Variants in DET1 observed in about 807,000 individuals in gnomAD.
DET1 encodes DET1 partner of COP1 E3 ubiquitin ligase, also known as DET1 homolog.
Under a neutral mutation model 43.7 loss-of-function variants are expected in DET1, and 22 were observed. The observed-to-expected ratio is 0.50, with a 90% CI of 0.36 to 0.72. The LOEUF (loss-of-function observed/expected upper bound fraction) is 0.72, where lower values mean the gene tolerates loss of function less well. Ranked by LOEUF, DET1 falls within the 30% of genes least tolerant of loss-of-function variation. DET1 has a pLI of 0.00. For missense variants in DET1, 713 were observed against 713.3 expected, an observed-to-expected ratio of 1.00 and a Z score of 0.00; for synonymous variants, 315 against 266.2, an observed-to-expected ratio of 1.18 and a Z score of -1.79.
At chr15:88,530,490 G>A (rs1207075439) in intron 2 of DET1, 133 bp downstream of exon 2, 6 of 1,425,636 alleles carry the variant, frequency 4.2e-6, no homozygotes, top group Non-Finnish European at 5.5e-6. Flanking sequence ...CTGATTTTAA[G>A]TTTGGGCCCT....
downstream of DET1, among the ~76,000 whole-genome samples, chr15:88,510,770 T>G (rs528689863): frequency 3.4e-5 from 5 of 146,046 alleles, no homozygotes; most frequent in Middle Eastern, 3.5e-3. Flanking sequence ...TTTTTTTTTT[T>G]GTTTTTTTTT....
chr15:88,528,433 G>A lies in DET1; in HGVS notation c.1084-647C>T, dbSNP rs547265827. Among the ~76,000 whole-genome samples, 6 of 152,296 alleles carry A rather than the reference G, an allele frequency of 3.9e-5. No homozygotes were observed. In the South Asian group the frequency reaches 1.2e-3, roughly 32 times the overall value. ...TGAACAAATGAAAAATCAGATAGGC[G>A]TTTTCCACTTTTTTCCTCATAAATG... On this transcript the variant is annotated intron_variant, in intron 2 of 4. Coordinates refer to ENST00000268148, the MANE Select transcript of DET1 (RefSeq NM_001144074.3).
intron 3 of DET1, among the ~76,000 whole-genome samples, chr15:88,524,500 C>T (rs1420950065): frequency 2.6e-5 from 4 of 152,142 alleles, no homozygotes; most frequent in Admixed American, 2.0e-4. Context: ...ATGACGATGG[C>T]GGTTTTGTCG....
intron 4 of DET1, among the ~76,000 whole-genome samples, chr15:88,514,428 C>T (rs980534556): frequency 6.6e-6 from 1 of 152,158 alleles, no homozygotes; most frequent in African/African-American, 2.4e-5. Context: ...ACTCAATAAT[C>T]TCATATCCAA....
intron 1 of DET1, among the ~76,000 whole-genome samples, chr15:88,536,748 G>T (rs1165840358): frequency 1.5e-5 from 2 of 131,218 alleles, no homozygotes; most frequent in Non-Finnish European, 1.5e-5. Flanking sequence ...TCCAGCCTGG[G>T]CAACAGAGCA....
Position 88,512,505 on chromosome 15 carries a change from T to C in DET1, c.*446A>G. 4 of 987,472 alleles carry C rather than the reference T, an allele frequency of 4.1e-6. No homozygotes were observed. Among genetic ancestry groups the C allele is most frequent in the Non-Finnish European group, 4.8e-6 (4 of 831,084 alleles). 61.2% of individuals were successfully genotyped at this position (987,472 alleles called of 1,614,324 possible). On this transcript the variant is annotated 3_prime_UTR_variant, in exon 5 of 5. Transcript: ENST00000268148. Reference sequence around the variant, plus strand: ...TTTAAGTATGAAAATACCATGGCTTTATTTTTCTCTTAAAAAGATAGCCGT... The same window carrying C: ...TTTAAGTATGAAAATACCATGGCTTCATTTTTCTCTTAAAAAGATAGCCGT...
chr15:88,526,184 A>G (rs922718937), intron 3 of DET1, among the ~76,000 whole-genome samples: 5 of 152,246 alleles, frequency 3.3e-5, no homozygotes, highest in Non-Finnish European at 5.9e-5. Context: ...TCTGTAATTG[A>G]GTACTATCTT....
intron 8 of DET1, chr15:88,502,758 G>T (rs1435432032): frequency 2.0e-5 from 3 of 152,204 alleles, no homozygotes; most frequent in Non-Finnish European, 4.4e-5. Flanking sequence ...CTGGTTTCCT[G>T]GTTCCCTTAC....
chr15:88,537,898 G>A (rs564063894), intron 1 of DET1, among the ~76,000 whole-genome samples: 21 of 152,250 alleles, frequency 1.4e-4, no homozygotes, highest in South Asian at 1.0e-3. Flanking sequence ...CAGGACTCCC[G>A]TTATTATTAC....
At chr15:88,506,953 A>G (rs1334774365) in intron 7 of DET1, among the ~76,000 whole-genome samples, 14 of 152,202 alleles carry the variant, frequency 9.2e-5, no homozygotes. Context: ...GTTTCTCCAG[A>G]TTCTTGAGAT....
downstream of DET1, among the ~76,000 whole-genome samples, chr15:88,508,293 T>C (rs978989561): frequency 3.3e-5 from 5 of 152,230 alleles, no homozygotes; most frequent in African/African-American, 4.8e-5. Context: ...TGTGGAAAAA[T>C]TGTCTTCCAT....
chr15:88,509,133 A>G (rs190273379), downstream of DET1, among the ~76,000 whole-genome samples: 5 of 152,360 alleles, frequency 3.3e-5, no homozygotes, highest in East Asian at 9.7e-4. Context: ...GCCAAGTGGC[A>G]AGATGACCAG....
chr15:88,541,466 C>T (rs1039288561), intron 1 of DET1, among the ~76,000 whole-genome samples: 10 of 152,054 alleles, frequency 6.6e-5, no homozygotes, highest in Non-Finnish European at 1.2e-4. Flanking sequence ...CCAAATCTCT[C>T]GTCCCACCTT....
downstream of DET1, chr15:88,512,459 G>C (rs138743405): frequency 4.1e-6 from 4 of 986,324 alleles, no homozygotes; most frequent in East Asian, 1.1e-4. Context: ...GGAACATAAA[G>C]CAGTCATCCA....
intron 1 of DET1, among the ~76,000 whole-genome samples, chr15:88,535,570 T>C (rs1223152849): frequency 1.3e-5 from 2 of 151,770 alleles, no homozygotes; most frequent in Admixed American, 1.3e-4. Context: ...AGCCTGGGCA[T>C]CATGGCAAAA....
intron 3 of DET1, among the ~76,000 whole-genome samples, chr15:88,523,650 G>T (rs934397319): frequency 1.3e-5 from 2 of 152,296 alleles, no homozygotes; most frequent in East Asian, 3.9e-4. Flanking sequence ...TGTGTTGGCC[G>T]GGCTGGTCTC....
At chr15:88,542,244 G>A (rs2057128493) in intron 1 of DET1, among the ~76,000 whole-genome samples, 2 of 152,110 alleles carry the variant, frequency 1.3e-5, no homozygotes, top group Admixed American at 1.3e-4. Flanking sequence ...GGCCTGAGGA[G>A]GAAGCTAGAG....
intron 7 of DET1, among the ~76,000 whole-genome samples, chr15:88,506,213 C>A (rs1180292791): frequency 6.6e-6 from 1 of 152,178 alleles, no homozygotes; most frequent in Non-Finnish European, 1.5e-5. Context: ...AGAAATTACC[C>A]CCGTTTTACA....
At chr15:88,532,646 T>C (rs1315594740) in intron 1 of DET1, among the ~76,000 whole-genome samples, 2 of 152,188 alleles carry the variant, frequency 1.3e-5, no homozygotes, top group Non-Finnish European at 2.9e-5. Flanking sequence ...CTGGCATATA[T>C]GGTTAAACAA....
Sources: allele counts gnomAD v4.1 joint callset (sites outside exome capture counted in the v4.1 genomes callset), GRCh38; gene constraint gnomAD v4.1.1; transcripts MANE v1.5; gene names NCBI Gene and HGNC (gene_info 2026-07-23, HGNC 2026-07-21).